HMCN1: variants seen among roughly 807,000 people sequenced by gnomAD.
HMCN1 encodes hemicentin-1.
In HMCN1, 321 loss-of-function variants were observed where a neutral mutation model predicts 625.9. The ratio of observed to expected loss-of-function variants is 0.51; its 90% CI spans 0.47 to 0.56. HMCN1 has a LOEUF of 0.56. Ranked by LOEUF, HMCN1 falls within the 20% of genes least tolerant of loss-of-function variation. The pLI is 0.00. For synonymous variants in HMCN1, 2,425 were observed against 2,417.6 expected, an observed-to-expected ratio of 1.00 and a Z score of -0.09; for missense variants, 6,588 against 6,887.3, an observed-to-expected ratio of 0.96 and a Z score of 1.54.
intron 1 of HMCN1, among the ~76,000 whole-genome samples, chr1:185,772,010 G>A (rs1369137722): frequency 6.6e-6 from 1 of 152,196 alleles, no homozygotes; most frequent in African/African-American, 2.4e-5. Context: ...AAAGAAGGAT[G>A]AAGACTTGAG....
At chr1:186,137,348 G>T in intron 87 of HMCN1, 150 bp from the exon 88 acceptor site, 1 of 957,142 alleles carries the variant, frequency 1.0e-6, no homozygotes, top group Non-Finnish European at 1.6e-6. Context: ...CTCTCTCTTG[G>T]ATTTTAATTT....
At chr1:185,985,261 A>G (rs1374959210) in intron 19 of HMCN1, among the ~76,000 whole-genome samples, 2 of 152,204 alleles carry the variant, frequency 1.3e-5, no homozygotes, top group Non-Finnish European at 2.9e-5. Context: ...AGCAACACTA[A>G]ATTAGTTATA....
chr1:186,078,904 CATAG>C, intron 55 of HMCN1, among the ~76,000 whole-genome samples: 1 of 152,100 alleles, frequency 6.6e-6, no homozygotes, highest in African/African-American at 2.4e-5. Flanking sequence ...TAACAATTAA[CATAG>C]ATTTTAAAGT....
chr1:185,859,162 A>G (rs1051443828), intron 2 of HMCN1, among the ~76,000 whole-genome samples: 2 of 147,704 alleles, frequency 1.4e-5, no homozygotes, highest in Admixed American at 6.8e-5. Flanking sequence ...GTGTGTGTGT[A>G]TAAGCAAAGG....
intron 6 of HMCN1, among the ~76,000 whole-genome samples, chr1:185,920,413 C>T (rs1004889979): frequency 3.9e-5 from 6 of 152,086 alleles, no homozygotes; most frequent in Non-Finnish European, 8.8e-5. Flanking sequence ...ATAGTATAGA[C>T]ACATGAAATT....
Position 186,003,709 on chromosome 1 carries a change from T to C in HMCN1, c.4349-9T>C. The C allele has an allele frequency of 6.2e-7, 1 of 1,613,042 alleles. No individual in the cohort carries two copies. The highest frequency in any genetic ancestry group is 1.1e-5 in the South Asian group (1 of 91,072). On this transcript the variant is annotated splice_polypyrimidine_tract_variant and intron_variant, in intron 28 of 106. Coordinates refer to ENST00000271588, the MANE Select transcript of HMCN1 (RefSeq NM_031935.3). ...AACAGAGTTTCATAATACACTGTCT[T>C]TGTTCAAGTTCCACCCACCATAATA...
At chr1:185,798,301 G>A (rs1330379856) in intron 1 of HMCN1, among the ~76,000 whole-genome samples, 3 of 152,106 alleles carry the variant, frequency 2.0e-5, no homozygotes, top group Non-Finnish European at 4.4e-5. Context: ...TCCTTTATAG[G>A]CAATTAGATG....
chr1:185,781,687 A>G (rs544976639), intron 1 of HMCN1, among the ~76,000 whole-genome samples: 132 of 152,190 alleles, frequency 8.7e-4, no homozygotes, highest in African/African-American at 3.0e-3. Context: ...CTGAGTTCTT[A>G]TTTGATTGCA....
At chr1:185,848,771 C>G (rs1415457697) in intron 2 of HMCN1, among the ~76,000 whole-genome samples, 1 of 152,050 alleles carries the variant, frequency 6.6e-6, no homozygotes, top group Non-Finnish European at 1.5e-5. Context: ...CTTAATACAC[C>G]CTGCACTTTT....
intron 1 of HMCN1, among the ~76,000 whole-genome samples, chr1:185,739,022 A>G (rs1653793845): frequency 1.4e-5 from 2 of 143,200 alleles, no homozygotes; most frequent in South Asian, 4.2e-4. Context: ...TCCTCCCCCT[A>G]TCCTCTAATC....
At chr1:185,834,935 A>G (rs1024474861) in intron 1 of HMCN1, among the ~76,000 whole-genome samples, 5 of 152,228 alleles carry the variant, frequency 3.3e-5, no homozygotes, top group Admixed American at 2.0e-4. Context: ...CCTCTTATAT[A>G]GAAAAAATAT....
chr1:185,884,314 T>C (rs1664500954), intron 4 of HMCN1, among the ~76,000 whole-genome samples: 1 of 151,932 alleles, frequency 6.6e-6, no homozygotes, highest in Admixed American at 6.6e-5. Context: ...GGGCTTACCT[T>C]TTGCATGCAC....
intron 81 of HMCN1, among the ~76,000 whole-genome samples, chr1:186,123,692 C>G (rs1341307498): frequency 6.6e-6 from 1 of 151,940 alleles, no homozygotes; most frequent in African/African-American, 2.4e-5. Context: ...AGAAAAATAT[C>G]TTTGTATTAA....
chr1:185,997,527 A>C lies in HMCN1; in HGVS notation c.3874+3A>C, dbSNP rs369898418. Reference sequence around the variant, plus strand: ...TGAATTTCCATGTCCTGCAAAAGGTACGTAATACTGAAAGATATAGGCATT... The same window carrying C: ...TGAATTTCCATGTCCTGCAAAAGGTCCGTAATACTGAAAGATATAGGCATT... On this transcript the variant is annotated splice_donor_region_variant and intron_variant, in intron 25 of 106. Transcript: ENST00000271588. 1.3e-6 allele frequency: 2 copies of C among 1,588,208 alleles called. No individual in the cohort carries two copies. Among genetic ancestry groups the C allele is most frequent in the South Asian group, 2.2e-5 (2 of 90,530 alleles).
intron 97 of HMCN1, among the ~76,000 whole-genome samples, chr1:186,162,638 A>AC (rs1651579736): frequency 6.6e-6 from 1 of 152,064 alleles, no homozygotes; most frequent in Non-Finnish European, 1.5e-5. Context: ...AACAGACAGG[A>AC]CCCTCAGCTG....
At chr1:185,878,562 C>A (rs1330124490) in intron 4 of HMCN1, among the ~76,000 whole-genome samples, 5 of 151,970 alleles carry the variant, frequency 3.3e-5, no homozygotes, top group Admixed American at 6.6e-5. Context: ...GTTGAACCAC[C>A]CTTGCATCCC....
At chr1:185,980,391 T>C (rs1651532820) in intron 16 of HMCN1, among the ~76,000 whole-genome samples, 3 of 152,306 alleles carry the variant, frequency 2.0e-5, no homozygotes, top group East Asian at 1.9e-4. Context: ...CAGAATTAGG[T>C]TGCAGACTCA....
chr1:186,048,228 A>G (rs1414750706), intron 41 of HMCN1, among the ~76,000 whole-genome samples: 1 of 152,142 alleles, frequency 6.6e-6, no homozygotes, highest in Non-Finnish European at 1.5e-5. Flanking sequence ...ACATAAATAC[A>G]TGAAAAATAT....
chr1:186,137,723 C>T lies in HMCN1; in HGVS notation c.13753+55C>T. ...GTGTTTAATAGACCTTCATTTCTGT[C>T]TTCTACCTATGGATTGCCCCAGTGT... On this transcript the variant is annotated intron_variant, in intron 88 of 106. Coordinates refer to ENST00000271588, the MANE Select transcript of HMCN1 (RefSeq NM_031935.3). 3.1e-6 allele frequency: 5 copies of T among 1,613,678 alleles called. No individual in the cohort carries two copies. In the South Asian group the frequency reaches 3.3e-5, roughly 11 times the overall value.
Sources: gnomAD v4.1 joint callset for allele counts (sites outside exome capture counted in the v4.1 genomes callset) on GRCh38, gnomAD v4.1.1 for gene constraint, MANE v1.5 for transcripts, NCBI Gene and HGNC (gene_info 2026-07-23, HGNC 2026-07-21) for gene names.